NUMBL: variants seen among roughly 807,000 people sequenced by gnomAD.
NUMBL encodes the protein NUMB like endocytic adaptor protein, also known as numb-like protein.
A neutral mutation model predicts 48.9 loss-of-function variants in NUMBL; 20 were observed. The observed-to-expected ratio is 0.41, with a 90% CI of 0.29 to 0.59. The LOEUF (loss-of-function observed/expected upper bound fraction) is 0.59. Ranked by LOEUF, NUMBL falls within the 20% of genes least tolerant of loss-of-function variation. NUMBL has a pLI of 0.31. For missense variants in NUMBL, 660 were observed against 846.2 expected, an observed-to-expected ratio of 0.78 and a Z score of 2.73; for synonymous variants, 340 against 348.7, an observed-to-expected ratio of 0.98 and a Z score of 0.28.
At chr19:40,674,881 GT>G (rs1405118482) in intron 7 of NUMBL, among the ~76,000 whole-genome samples, 1 of 152,162 alleles carries the variant, frequency 6.6e-6, no homozygotes, top group Non-Finnish European at 1.5e-5. Flanking sequence ...GTTCACGCCT[GT>G]AATCCCAGCA....
chr19:40,670,989 A>G (rs993387127), intron 8 of NUMBL, among the ~76,000 whole-genome samples: 7 of 151,922 alleles, frequency 4.6e-5, no homozygotes, highest in African/African-American at 1.5e-4. Context: ...TTATTTATTT[A>G]TTTTTGACAC....
chr19:40,675,307 A>G (rs1302669781), intron 7 of NUMBL, among the ~76,000 whole-genome samples: 1 of 151,846 alleles, frequency 6.6e-6, no homozygotes, highest in Non-Finnish European at 1.5e-5. Flanking sequence ...GGTGACGGAG[A>G]GAGACTCTGT....
At chr19:40,684,167 C>T (rs1034541270) in intron 3 of NUMBL, 12 of 412,572 alleles carry the variant, frequency 2.9e-5, no homozygotes, top group African/African-American at 4.4e-5. Context: ...CTCCCGGGTT[C>T]AAGCGATTCT....
At position 40,683,124 on chromosome 19, in the gene NUMBL, C is replaced by T. The variant is rs546543036; in HGVS notation, c.250-156G>A. On this transcript the variant is annotated intron_variant, in intron 3 of 9. Coordinates refer to ENST00000252891, the MANE Select transcript of NUMBL (RefSeq NM_004756.5). Reference sequence around the variant, plus strand: ...GCATCTCAACTCTACAAGGTGGAGACCCCATTCCTGGTCTAGACATGCAGA... The same window carrying T: ...GCATCTCAACTCTACAAGGTGGAGATCCCATTCCTGGTCTAGACATGCAGA... 6 of 704,270 alleles carry T rather than the reference C, an allele frequency of 8.5e-6. No individual in the cohort carries two copies. In the South Asian group the frequency reaches 1.0e-4, roughly 12 times the overall value. 43.6% of individuals were successfully genotyped at this position (704,270 alleles called of 1,614,324 possible).
At chr19:40,669,485 C>T (rs59459325) in intron 9 of NUMBL, among the ~76,000 whole-genome samples, 23,097 of 149,774 alleles carry the variant, frequency 0.15, 1,909 homozygotes, top group African/African-American at 0.2. Flanking sequence ...AGATGAACCA[C>T]GGATCTAGGA....
At chr19:40,672,649 C>T (rs1182032395) in intron 8 of NUMBL, among the ~76,000 whole-genome samples, 2 of 152,230 alleles carry the variant, frequency 1.3e-5, no homozygotes, top group East Asian at 3.8e-4. Context: ...TCTCCCTTGC[C>T]CATGACACAC....
In NUMBL at chr19:40,684,651, G is replaced by C. The variant is rs2081925047; in HGVS notation, c.110-95C>G. ...CCAGTGCTCAGGGAGCATGGGGTCA[G>C]ATAACAAGATAACTGGAAGCGGGGT... On this transcript the variant is annotated intron_variant, in intron 2 of 9. Transcript: ENST00000252891. The C allele has an allele frequency of 7.6e-6, 11 of 1,449,174 alleles. No individual in the cohort carries two copies. In the South Asian group the frequency reaches 1.5e-4, roughly 20 times the overall value. 89.8% of individuals were successfully genotyped at this position (1,449,174 alleles called of 1,614,324 possible).
Position 40,666,139 on chromosome 19 carries a change from G to GTTTTTTTTTTTT in NUMBL, c.*1317_*1328dup, listed in dbSNP as rs767929280. On this transcript the variant is annotated 3_prime_UTR_variant, in exon 10 of 10. Transcript: ENST00000252891. ...ATTAATATTGAGCTAATTAGAAGTA[G>GTTTTTTTTTTTT]TTTTTTTTTTTTTGTTTTTTTTTTT... 1 of 125,968 alleles carries GTTTTTTTTTTTT rather than the reference G, an allele frequency of 7.9e-6. No individual in the cohort carries two copies. The allele number at this position is 125,968 out of a possible 1,614,324, so 7.8% of individuals were successfully genotyped here.
chr19:40,674,148 C>T (rs76556214), intron 7 of NUMBL, among the ~76,000 whole-genome samples: 1 of 152,164 alleles, frequency 6.6e-6, no homozygotes, highest in Non-Finnish European at 1.5e-5. Flanking sequence ...TAGGAAGGGG[C>T]AGGCTGACTC....
chr19:40,679,211 G>A (rs1020309590), intron 6 of NUMBL, among the ~76,000 whole-genome samples: 7 of 152,014 alleles, frequency 4.6e-5, no homozygotes, highest in Admixed American at 2.6e-4. Flanking sequence ...GCAACATGGC[G>A]AAATCCCATC....
At chr19:40,676,750 T>C (rs1343871785) in intron 7 of NUMBL, among the ~76,000 whole-genome samples, 1 of 151,584 alleles carries the variant, frequency 6.6e-6, no homozygotes, top group African/African-American at 2.4e-5. Context: ...AATTGGTGGA[T>C]AGTAAACCAC....
In NUMBL at chr19:40,677,237, T is replaced by G; in HGVS notation, c.725A>C (p.Lys242Thr). 1 of 1,557,706 alleles carries G rather than the reference T, an allele frequency of 6.4e-7. No individual in the cohort carries two copies. Among genetic ancestry groups the G allele is most frequent in the South Asian group, 1.2e-5 (1 of 85,052 alleles). ...GCGCTTGGGGCAACACCCACCTTTCTTCTTGTCCGGGGCCTCTCGCTCAGC... is the reference window on the plus strand; with the variant it reads ...GCGCTTGGGGCAACACCCACCTTTCGTCTTGTCCGGGGCCTCTCGCTCAGC... ...RPAEREAPDK[K>T]KAEAAAAPTV... is the part of the protein sequence containing the mutation. The change falls in exon 7 of 10, where the codon AAG (lysine) becomes ACG (threonine). Residue 242 changes from lysine to threonine, a missense_variant. This residue lies in a region of NUMBL where 278 missense variants were observed against 420.6 expected (regional missense o/e 0.66). Transcript: ENST00000252891.
At chr19:40,669,425 T>C (rs992643293) in intron 9 of NUMBL, among the ~76,000 whole-genome samples, 3 of 152,022 alleles carry the variant, frequency 2.0e-5, no homozygotes, top group African/African-American at 7.2e-5. Context: ...TCTAAGATGA[T>C]CCCTGGGTCT....
Position 40,690,479 on chromosome 19 carries a change from G to T in NUMBL, c.5C>A (p.Ser2Tyr). Residue 2 changes from serine to tyrosine, a missense_variant, in exon 1 of 10, where the codon TCC (serine) becomes TAC (tyrosine). Coordinates refer to ENST00000252891, the MANE Select transcript of NUMBL (RefSeq NM_004756.5). ...TCTCACGCTGGCCGCCGCGCTGCGG[G>T]ACATCCAGGGCCCGGGCGCCCCCGC... M[S>Y]RSAAASGGPR... The T allele has an allele frequency of 7.7e-7, 1 of 1,306,666 alleles. No homozygotes were observed. Among genetic ancestry groups the T allele is most frequent in the Non-Finnish European group, 9.8e-7 (1 of 1,024,378 alleles). The allele number at this position is 1,306,666 out of a possible 1,614,324, so 80.9% of individuals were successfully genotyped here.
chr19:40,682,992 G>A lies in NUMBL; in HGVS notation c.250-24C>T. On this transcript the variant is annotated intron_variant, in intron 3 of 9. Coordinates refer to ENST00000252891, the MANE Select transcript of NUMBL (RefSeq NM_004756.5). The surrounding 1 kb of genome is among the most constrained non-coding windows in gnomAD (Gnocchi z 4.0). Reference sequence around the variant, plus strand: ...TACTTGGGTTGGAGGGAATGGGGGGGGGGACATGAAACAGCACAGTAATCA... The same window carrying A: ...TACTTGGGTTGGAGGGAATGGGGGGAGGGACATGAAACAGCACAGTAATCA... 6.2e-7 allele frequency: 1 copy of A among 1,608,442 alleles called. No homozygotes were observed. Among genetic ancestry groups the A allele is most frequent in the Non-Finnish European group, 8.5e-7 (1 of 1,175,190 alleles).
intron 6 of NUMBL, among the ~76,000 whole-genome samples, chr19:40,680,491 C>G (rs901392107): frequency 1.3e-5 from 2 of 151,656 alleles, no homozygotes; most frequent in Non-Finnish European, 2.9e-5. Flanking sequence ...CTCTGTCTCC[C>G]AGGCTGGAGT....
Position 40,682,612 on chromosome 19 carries a change from G to T in NUMBL, c.399+116C>A. 2.2e-6 allele frequency: 2 copies of T among 889,774 alleles called. No homozygotes were observed. Among genetic ancestry groups the T allele is most frequent in the Non-Finnish European group, 3.5e-6 (2 of 568,266 alleles). The allele number at this position is 889,774 out of a possible 1,614,324, so 55.1% of individuals were successfully genotyped here. A position where few individuals can be genotyped will look rare whatever the true frequency, so the allele number is the denominator to read the frequency against. On this transcript the variant is annotated intron_variant, in intron 5 of 9. Coordinates refer to ENST00000252891, the MANE Select transcript of NUMBL (RefSeq NM_004756.5). The surrounding 1 kb of genome is among the most constrained non-coding windows in gnomAD (Gnocchi z 4.0). ...GACGACAGAGGGAGCACACGGCATC[G>T]TCTAGAAGGTCCCTGAGGGAGGGAT...
intron 8 of NUMBL, among the ~76,000 whole-genome samples, 185 bp from the exon 9 acceptor site, chr19:40,670,205 CTGAG>C (rs1173801991): frequency 4.6e-5 from 7 of 152,322 alleles, no homozygotes; most frequent in African/African-American, 1.7e-4. Flanking sequence ...GGCAGAACGA[CTGAG>C]TTAGTGTGTG....
chr19:40,681,756 T>A (rs1028947259), intron 5 of NUMBL, among the ~76,000 whole-genome samples: 1 of 152,128 alleles, frequency 6.6e-6, no homozygotes, highest in Admixed American at 6.5e-5. Flanking sequence ...TACTGAAACC[T>A]CTGCCTCCTG....
Sources: gnomAD v4.1 joint callset for allele counts (sites outside exome capture counted in the v4.1 genomes callset) on GRCh38, gnomAD v4.1.1 for gene constraint, gnomAD v4.1.1 regional missense constraint, Gnocchi (gnomAD v3.1) non-coding constraint, MANE v1.5 for transcripts, NCBI Gene and HGNC (gene_info 2026-07-23, HGNC 2026-07-21) for gene names.